C3orf49: variants seen among roughly 807,000 people sequenced by gnomAD.
C3orf49 encodes putative uncharacterized protein C3orf49.
In C3orf49, 27 loss-of-function variants were observed where a neutral mutation model predicts 13.3. The ratio of observed to expected loss-of-function variants is 2.02; its 90% CI spans 1.49 to 2.79. The LOEUF (loss-of-function observed/expected upper bound fraction) is 2.79. Ranked by LOEUF, C3orf49 falls within the 30% of genes most tolerant of loss-of-function variation. C3orf49 has a pLI of 0.00. For missense variants in C3orf49, 242 were observed against 134.2 expected (o/e 1.80, Z -3.97); for synonymous variants, 87 against 47.6 (o/e 1.83, Z -3.40).
At chr3:63,795,293 G>A in the C3orf49 span, among the ~76,000 whole-genome samples, 1 of 152,126 alleles carries the variant, frequency 6.6e-6, no homozygotes. Flanking sequence ...AATGGGAAAC[G>A]TCTAGGGGGT....
intron 5 of C3orf49, chr3:63,838,338 T>TA (rs1701676820): frequency 7.3e-7 from 1 of 1,368,082 alleles, no homozygotes; most frequent in Admixed American, 2.3e-5. Flanking sequence ...CCATAAAAAA[T>TA]AAAATTACAG....
the C3orf49 span, among the ~76,000 whole-genome samples, chr3:63,791,988 C>G: frequency 6.6e-6 from 1 of 152,206 alleles, no homozygotes; most frequent in African/African-American, 2.4e-5. Flanking sequence ...AATATTTACA[C>G]TCAGAGACAT....
the C3orf49 span, among the ~76,000 whole-genome samples, chr3:63,801,474 T>G: frequency 7.2e-5 from 11 of 152,194 alleles, no homozygotes; most frequent in African/African-American, 2.7e-4. Context: ...CATCATTAAT[T>G]AAATAATCAC....
the C3orf49 span, among the ~76,000 whole-genome samples, chr3:63,794,896 T>C: frequency 0.94 from 142,991 of 152,180 alleles, 67,570 homozygotes; most frequent in Non-Finnish European, 0.99. Flanking sequence ...TAACTTTCCA[T>C]ACCTAAGTAA....
rs138559119 is a variant in C3orf49, at chr3:63,845,916, G to A, written c.*30+834G>A. Among the ~76,000 whole-genome samples, 319 of 152,294 alleles carry A rather than the reference G, an allele frequency of 2.1e-3. 1 individual carries two copies. The highest frequency in any genetic ancestry group is 6.7e-3 in the African/African-American group (277 of 41,564). ...GAATTATGATGCCATTACATGGAAT[G>A]TTCCACATGAAAAAGACTATTCATC... On this transcript the variant is annotated intron_variant, in intron 6 of 6. Transcript: ENST00000295896.
At chr3:63,823,158 G>T in intron 1 of C3orf49, 92 bp from the exon 2 acceptor site, 6 of 573,600 alleles carry the variant, frequency 1.0e-5, no homozygotes, top group South Asian at 4.5e-5. Context: ...TTGTATAATT[G>T]GTTCACATTT....
chr3:63,830,283 T>C (rs1575798466), intron 3 of C3orf49, among the ~76,000 whole-genome samples: 3 of 152,126 alleles, frequency 2.0e-5, no homozygotes, highest in Admixed American at 6.5e-5. Flanking sequence ...CAGGAAAAAG[T>C]ACTGGGTTTT....
intron 5 of C3orf49, among the ~76,000 whole-genome samples, chr3:63,842,317 T>G (rs1434035817): frequency 6.6e-6 from 1 of 151,182 alleles, no homozygotes. Context: ...CAATAACAAG[T>G]GTTGGTGAGG....
At chr3:63,780,746 T>C in the C3orf49 span, among the ~76,000 whole-genome samples, 1 of 152,240 alleles carries the variant, frequency 6.6e-6, no homozygotes, top group Non-Finnish European at 1.5e-5. Context: ...CCAGTGATGA[T>C]GAGCATTTTT....
chr3:63,814,413 G>A (rs1297762585), upstream of C3orf49, among the ~76,000 whole-genome samples: 5 of 151,754 alleles, frequency 3.3e-5, no homozygotes, highest in South Asian at 8.3e-4. Flanking sequence ...CTTGGTTCCT[G>A]CGGTTATTCA....
At chr3:63,780,605 C>A in the C3orf49 span, among the ~76,000 whole-genome samples, 2 of 152,188 alleles carry the variant, frequency 1.3e-5, no homozygotes, top group African/African-American at 4.8e-5. Flanking sequence ...GACAGTCCCA[C>A]CAACAGTGTA....
At chr3:63,814,772 C>A (rs1272375176), upstream of C3orf49, among the ~76,000 whole-genome samples, 1 of 152,122 alleles carries the variant, frequency 6.6e-6, no homozygotes, top group Non-Finnish European at 1.5e-5. Flanking sequence ...CCTTGGACTA[C>A]AGCAACAACT....
chr3:63,781,545 G>A, the C3orf49 span, among the ~76,000 whole-genome samples: 12 of 152,302 alleles, frequency 7.9e-5, no homozygotes, highest in African/African-American at 2.6e-4. Context: ...TTGGTAGCTT[G>A]ATGGGGATGG....
upstream of C3orf49, among the ~76,000 whole-genome samples, chr3:63,817,862 T>G (rs1458780579): frequency 6.6e-6 from 1 of 152,156 alleles, no homozygotes; most frequent in Non-Finnish European, 1.5e-5. Context: ...TAGCATAAAA[T>G]TCATCTCATT....
intron 5 of C3orf49, among the ~76,000 whole-genome samples, chr3:63,837,822 T>C (rs1456535464): frequency 6.6e-6 from 1 of 152,094 alleles, no homozygotes; most frequent in Non-Finnish European, 1.5e-5. Context: ...CTTCTCTATT[T>C]TAAAGAATAA....
At chr3:63,809,732 G>A in the C3orf49 span, among the ~76,000 whole-genome samples, 12 of 152,246 alleles carry the variant, frequency 7.9e-5, no homozygotes, top group African/African-American at 2.2e-4. Context: ...CAGAGACTTT[G>A]CTCTGATCAT....
At chr3:63,809,142 T>C in the C3orf49 span, among the ~76,000 whole-genome samples, 2 of 152,208 alleles carry the variant, frequency 1.3e-5, no homozygotes, top group African/African-American at 4.8e-5. Flanking sequence ...TATAAAACCT[T>C]TCTGTTTAAG....
intron 1 of C3orf49, among the ~76,000 whole-genome samples, chr3:63,821,790 A>C (rs1028741272): frequency 1.3e-4 from 20 of 152,118 alleles, no homozygotes; most frequent in Non-Finnish European, 1.9e-4. Flanking sequence ...TGCCGGTTTA[A>C]GAAAGGGGGG....
At chr3:63,794,994 G>T in the C3orf49 span, among the ~76,000 whole-genome samples, 2 of 152,112 alleles carry the variant, frequency 1.3e-5, no homozygotes, top group Non-Finnish European at 2.9e-5. Flanking sequence ...AATCAGCCTG[G>T]TTGCCGTCCC....
Sources: gnomAD v4.1 joint callset for allele counts (sites outside exome capture counted in the v4.1 genomes callset) on GRCh38, gnomAD v4.1.1 for gene constraint, MANE v1.5 for transcripts, NCBI Gene and HGNC (gene_info 2026-07-23, HGNC 2026-07-21) for gene names.